PAX5: variants seen among roughly 807,000 people sequenced by gnomAD.
The protein encoded by PAX5 is paired box protein Pax-5.
A neutral mutation model predicts 43.7 loss-of-function variants in PAX5; 9 were observed. The observed-to-expected ratio is 0.21, with a 90% CI of 0.12 to 0.36. The LOEUF (loss-of-function observed/expected upper bound fraction) is 0.36, where lower values mean the gene tolerates loss of function less well. Among genes scored for constraint, PAX5 ranks in the 10% least tolerant of loss-of-function variants. The pLI is 1.00. For synonymous variants in PAX5, 228 were observed against 214.3 expected (o/e 1.06, Z -0.56); for missense variants, 383 against 532.7 (o/e 0.72, Z 2.77).
At chr9:36,990,143 T>A (rs1411108966) in intron 5 of PAX5, among the ~76,000 whole-genome samples, 1 of 152,122 alleles carries the variant, frequency 6.6e-6, no homozygotes, top group African/African-American at 2.4e-5. Context: ...AAGAGCATAA[T>A]AAAAGGCACT....
chr9:36,959,609 GAC>G (rs1480947725), intron 6 of PAX5, among the ~76,000 whole-genome samples: 1 of 152,226 alleles, frequency 6.6e-6, no homozygotes, highest in Non-Finnish European at 1.5e-5. Context: ...AGGAGAATGG[GAC>G]AGTCACCACC....
chr9:36,892,535 G>A (rs928690111), intron 7 of PAX5, among the ~76,000 whole-genome samples: 1 of 152,136 alleles, frequency 6.6e-6, no homozygotes, highest in African/African-American at 2.4e-5. Flanking sequence ...GAGGTGAGCT[G>A]GATGCAGGCT....
chr9:36,952,070 A>G (rs1202586945), intron 6 of PAX5, among the ~76,000 whole-genome samples: 1 of 151,964 alleles, frequency 6.6e-6, no homozygotes, highest in Admixed American at 6.6e-5. Flanking sequence ...TTTACAGGTG[A>G]TATTATTTAT....
At chr9:36,989,073 A>G (rs943496709) in intron 5 of PAX5, among the ~76,000 whole-genome samples, 10 of 152,182 alleles carry the variant, frequency 6.6e-5, no homozygotes, top group Non-Finnish European at 8.8e-5. Context: ...AAGGTGACCA[A>G]CTTGCAGGTG....
intron 6 of PAX5, among the ~76,000 whole-genome samples, chr9:36,929,135 A>C (rs1830899763): frequency 6.6e-6 from 1 of 152,044 alleles, no homozygotes; most frequent in Admixed American, 6.6e-5. Context: ...ATACTTGCTT[A>C]TTTTGCAGGC....
At chr9:36,929,293 GGA>G (rs1830939428) in intron 6 of PAX5, among the ~76,000 whole-genome samples, 1 of 148,802 alleles carries the variant, frequency 6.7e-6, no homozygotes, top group African/African-American at 2.6e-5. Flanking sequence ...AAGGAAGGAT[GGA>G]TGAGAGAGAG....
chr9:36,986,978 C>T (rs1836490088), intron 5 of PAX5, among the ~76,000 whole-genome samples: 1 of 152,198 alleles, frequency 6.6e-6, no homozygotes, highest in East Asian at 1.9e-4. Context: ...GGCCTGGCAG[C>T]ATCACCAGCG....
At chr9:36,956,470 G>A (rs769046182) in intron 6 of PAX5, among the ~76,000 whole-genome samples, 2 of 152,110 alleles carry the variant, frequency 1.3e-5, no homozygotes, top group Non-Finnish European at 2.9e-5. Flanking sequence ...GATGACCCAG[G>A]GCAATCTCCC....
chr9:36,912,068 C>T (rs1829339960), intron 7 of PAX5, among the ~76,000 whole-genome samples: 1 of 152,232 alleles, frequency 6.6e-6, no homozygotes, highest in South Asian at 2.1e-4. Flanking sequence ...TGCCCTTCAG[C>T]CAGACATCCT....
At chr9:36,933,673 G>A (rs1252392661) in intron 6 of PAX5, among the ~76,000 whole-genome samples, 1 of 152,184 alleles carries the variant, frequency 6.6e-6, no homozygotes, top group Non-Finnish European at 1.5e-5. Context: ...CTCCAGCTGG[G>A]GAAAGAGCAC....
In PAX5 at chr9:36,883,615, G is replaced by A. The variant is rs553271311; in HGVS notation, c.911-1510C>T. ...GAACCTAAGTGGTGTAGGTTGCAGT[G>A]AGCTGAGGTGGCACCACTGCACTTC... On this transcript the variant is annotated intron_variant, in intron 7 of 9. Transcript: ENST00000358127. Among the ~76,000 whole-genome samples, 25 of 152,284 alleles carry A rather than the reference G, an allele frequency of 1.6e-4. No homozygotes were observed. In the South Asian group the frequency reaches 5.2e-3, roughly 32 times the overall value.
chr9:36,946,910 T>G (rs1416440629), intron 6 of PAX5, among the ~76,000 whole-genome samples: 1 of 152,170 alleles, frequency 6.6e-6, no homozygotes, highest in Non-Finnish European at 1.5e-5. Context: ...CTCAGCCACG[T>G]GCAGGGCCAA....
chr9:36,994,096 G>A (rs1244579525), intron 5 of PAX5, among the ~76,000 whole-genome samples: 1 of 152,172 alleles, frequency 6.6e-6, no homozygotes, highest in Non-Finnish European at 1.5e-5. Flanking sequence ...CCCCACCCGT[G>A]GGACAGGCCC....
chr9:37,001,001 T>C (rs926603224), intron 5 of PAX5, among the ~76,000 whole-genome samples: 1 of 152,170 alleles, frequency 6.6e-6, no homozygotes, highest in African/African-American at 2.4e-5. Context: ...CACAATCCCA[T>C]TTGTCACCGT....
intron 5 of PAX5, among the ~76,000 whole-genome samples, chr9:36,998,926 C>A (rs1175017693): frequency 6.6e-6 from 1 of 151,998 alleles, no homozygotes; most frequent in Non-Finnish European, 1.5e-5. Flanking sequence ...AAAATTAATT[C>A]CACTTGTTTC....
At chr9:36,900,995 C>T (rs1425324242) in intron 7 of PAX5, among the ~76,000 whole-genome samples, 1 of 152,230 alleles carries the variant, frequency 6.6e-6, no homozygotes, top group Non-Finnish European at 1.5e-5. Flanking sequence ...TTCCACCCCT[C>T]AAAATGTTTC....
intron 7 of PAX5, among the ~76,000 whole-genome samples, chr9:36,903,038 C>T (rs576681112): frequency 1.3e-5 from 2 of 152,192 alleles, no homozygotes; most frequent in African/African-American, 4.8e-5. Flanking sequence ...TCACCACCAG[C>T]ACTTGGCATC....
chr9:36,959,194 ATTC>A (rs1833751794), intron 6 of PAX5, among the ~76,000 whole-genome samples: 1 of 152,164 alleles, frequency 6.6e-6, no homozygotes, highest in Non-Finnish European at 1.5e-5. Context: ...GACCCTTCTC[ATTC>A]TTCTTATCTT....
At chr9:37,017,776 G>A (rs1312139835) in intron 2 of PAX5, among the ~76,000 whole-genome samples, 6 of 152,224 alleles carry the variant, frequency 3.9e-5, no homozygotes, top group South Asian at 2.1e-4. Context: ...GGAAGACTGC[G>A]GCCTTGACAT....
Sources: allele counts gnomAD v4.1 joint callset (sites outside exome capture counted in the v4.1 genomes callset), GRCh38; gene constraint gnomAD v4.1.1; transcripts MANE v1.5; gene names NCBI Gene and HGNC (gene_info 2026-07-23, HGNC 2026-07-21).